Variants in PHF8 observed in about 807,000 individuals in gnomAD.
The protein encoded by PHF8 is PHD finger protein 8, also known as histone lysine demethylase PHF8.
PHF8 carries 9 observed loss-of-function variants against 74.4 expected under a neutral mutation model. That is an observed-to-expected ratio of 0.12 (90% CI 0.07 to 0.21). The LOEUF (loss-of-function observed/expected upper bound fraction) is 0.21, where lower values mean the gene tolerates loss of function less well. PHF8 is among the 10% of genes least tolerant of loss of function. The pLI is 1.00. For missense variants in PHF8, 478 were observed against 816.6 expected (o/e 0.59, Z 5.05); for synonymous variants, 311 against 316.6 (o/e 0.98, Z 0.19).
At chrX:53,976,662 G>A (rs1165698615) in intron 18 of PHF8, among the ~76,000 whole-genome samples, 2 of 100,846 alleles carry the variant, frequency 2.0e-5, no homozygotes, top group Non-Finnish European at 4.0e-5. Flanking sequence ...GCATGCACCT[G>A]TAGCCCTAAA....
At chrX:53,980,887 T>C (rs1012105476) in intron 18 of PHF8, among the ~76,000 whole-genome samples, 81 of 112,678 alleles carry the variant, frequency 7.2e-4, no homozygotes, top group African/African-American at 2.2e-3. Flanking sequence ...AAACAAAAGA[T>C]GGCTGCTGCT....
chrX:54,026,302 C>T (rs1320097866), intron 2 of PHF8, among the ~76,000 whole-genome samples: 1 of 101,612 alleles, frequency 9.8e-6, no homozygotes, highest in Non-Finnish European at 2.0e-5. Flanking sequence ...TGCAGTGAGC[C>T]GAGATCATGC....
At chrX:53,947,938 T>C (rs782642373) in intron 19 of PHF8, among the ~76,000 whole-genome samples, 15 of 111,934 alleles carry the variant, frequency 1.3e-4, no homozygotes, top group African/African-American at 4.9e-4. Flanking sequence ...AGACTTCAGA[T>C]GACTCAAACT....
At chrX:54,033,784 ATGG>A (rs1195274550) in intron 2 of PHF8, among the ~76,000 whole-genome samples, 2 of 106,099 alleles carry the variant, frequency 1.9e-5, no homozygotes, top group African/African-American at 6.9e-5. Context: ...TTAGCCAGGC[ATGG>A]TGGTATGTGC....
At chrX:54,039,201 T>A (rs782383546) in intron 2 of PHF8, among the ~76,000 whole-genome samples, 1 of 109,352 alleles carries the variant, frequency 9.1e-6, no homozygotes, top group South Asian at 3.9e-4. Context: ...TAGGTATCTG[T>A]GGATTTAAAA....
chrX:54,031,085 A>C (rs782706256), intron 2 of PHF8, among the ~76,000 whole-genome samples: 1 of 112,170 alleles, frequency 8.9e-6, no homozygotes, highest in Non-Finnish European at 1.9e-5. Flanking sequence ...AAAACTACTA[A>C]GTAGCAGAGC....
chrX:54,036,673 G>A (rs1265497275), intron 2 of PHF8, among the ~76,000 whole-genome samples: 1 of 101,985 alleles, frequency 9.8e-6, no homozygotes, highest in Non-Finnish European at 2.0e-5. Context: ...TTGGTGCTGA[G>A]AAGAAACTTA....
Position 54,042,142 on chromosome X carries a change from A to C in PHF8, c.98+489T>G, listed in dbSNP as rs782560867. On this transcript the variant is annotated intron_variant, in intron 2 of 21. Transcript: ENST00000338154. The stretch of plus-strand genomic sequence containing the variant: ...ACATGGAAAAACACCGTCTCTACTA[A>C]AAATACAAAATCAGCTGGGTGTGGT... Among the ~76,000 whole-genome samples, 12 of 110,023 alleles carry C rather than the reference A, an allele frequency of 1.1e-4. No homozygotes were observed. In the East Asian group the frequency reaches 3.5e-3, roughly 32 times the overall value.
intron 14 of PHF8, among the ~76,000 whole-genome samples, chrX:53,988,996 C>T (rs1412158920): frequency 1.9e-5 from 2 of 104,624 alleles, no homozygotes; most frequent in East Asian, 5.9e-4. Context: ...GAGTCTTGCT[C>T]TGTCGCCCAG....
chrX:54,016,567 GT>G, intron 6 of PHF8, 27 bp downstream of exon 6: 1 of 1,180,748 alleles, frequency 8.5e-7, no homozygotes, highest in Non-Finnish European at 1.2e-6. Flanking sequence ...ACTTTGTCAG[GT>G]TTTTTTGTTA....
intron 18 of PHF8, among the ~76,000 whole-genome samples, chrX:53,965,498 G>A (rs971204599): frequency 3.6e-5 from 4 of 112,619 alleles, no homozygotes; most frequent in South Asian, 3.6e-4. Flanking sequence ...AATTAGCCAC[G>A]CGTGGTAGCA....
intron 1 of PHF8, chrX:54,043,282 G>A (rs1286734920): frequency 5.6e-6 from 1 of 178,737 alleles, no homozygotes; most frequent in Non-Finnish European, 8.9e-6. Flanking sequence ...CAACCAGAGA[G>A]AGATAAGGGA....
At chrX:53,976,635 T>TA (rs1226932494) in intron 18 of PHF8, among the ~76,000 whole-genome samples, 3 of 61,789 alleles carry the variant, frequency 4.9e-5, no homozygotes, top group African/African-American at 1.3e-4. Flanking sequence ...TCCATAAAAA[T>TA]AAAAAAACAG....
chrX:53,998,061 T>G (rs1326429418), intron 11 of PHF8, among the ~76,000 whole-genome samples: 1 of 112,342 alleles, frequency 8.9e-6, no homozygotes, highest in Non-Finnish European at 1.9e-5. Flanking sequence ...CTTGGTGTGT[T>G]TTTTAAATTC....
At chrX:54,038,478 T>C (rs2146514108) in intron 2 of PHF8, among the ~76,000 whole-genome samples, 1 of 111,928 alleles carries the variant, frequency 8.9e-6, no homozygotes, top group Admixed American at 9.5e-5. Flanking sequence ...CCTTCTTACC[T>C]ACTGAATCAG....
intron 1 of PHF8, chrX:54,043,261 T>A: frequency 3.8e-6 from 1 of 262,475 alleles, no homozygotes; most frequent in African/African-American, 2.9e-5. Context: ...TCTCACCACC[T>A]GAAATAGGGC....
In PHF8 at chrX:54,019,719, C is replaced by T. The variant is rs374989124; in HGVS notation, c.294-1898G>A. ...GGCAGAATTGCTTGAACCCAGGAGG[C>T]GGAGGGTGCAGTGAGCTGAGATTGC... is the stretch of plus-strand genomic sequence containing the variant. On this transcript the variant is annotated intron_variant, in intron 4 of 21. Coordinates refer to ENST00000338154, the MANE Select transcript of PHF8 (RefSeq NM_015107.3). 9.4e-5 allele frequency among the ~76,000 whole-genome samples: 9 copies of T among 95,410 alleles called. No individual in the cohort carries two copies. In the East Asian group the frequency reaches 2.1e-3, roughly 22 times the overall value. 82.9% of individuals were successfully genotyped at this position (95,410 alleles called of 115,157 possible). A position where few individuals can be genotyped will look rare whatever the true frequency, so the allele number is the denominator to read the frequency against.
chrX:53,944,062 G>A (rs1384027750), intron 20 of PHF8, 72 bp downstream of exon 20: 6 of 610,079 alleles, frequency 9.8e-6, no homozygotes, highest in African/African-American at 2.2e-5. Context: ...CTATCAGCCT[G>A]CAGGTCTAAG....
intron 2 of PHF8, among the ~76,000 whole-genome samples, chrX:54,036,126 GAAAA>G (rs1372233851): frequency 1.0e-5 from 1 of 98,193 alleles, no homozygotes. Flanking sequence ...AAAAAGAAAA[GAAAA>G]AAGAAAAAAT....
Sources: gnomAD v4.1 joint callset for allele counts (sites outside exome capture counted in the v4.1 genomes callset) on GRCh38, gnomAD v4.1.1 for gene constraint, MANE v1.5 for transcripts, NCBI Gene and HGNC (gene_info 2026-07-23, HGNC 2026-07-21) for gene names.